Variants in ANKHD1 observed in about 807,000 individuals in gnomAD.
ANKHD1 encodes the protein ankyrin repeat and KH domain-containing protein 1.
Under a neutral mutation model 230.5 loss-of-function variants are expected in ANKHD1, and 31 were observed. The ratio of observed to expected loss-of-function variants is 0.13; its 90% CI spans 0.10 to 0.18. The LOEUF is 0.18. Ranked by LOEUF, ANKHD1 falls within the 10% of genes least tolerant of loss-of-function variation. The pLI is 1.00. For synonymous variants in ANKHD1, 1,074 were observed against 1,117.6 expected (o/e 0.96, Z 0.78); for missense variants, 2,256 against 3,071.3 (o/e 0.73, Z 6.27).
chr5:140,483,108 AATTAT>A (rs1389775155), intron 11 of ANKHD1, among the ~76,000 whole-genome samples: 2 of 152,176 alleles, frequency 1.3e-5, no homozygotes, highest in Non-Finnish European at 2.9e-5. Flanking sequence ...CTATTATTAG[AATTAT>A]ATTTAGGCAA....
chr5:140,428,408 C>T (rs904433842), intron 1 of ANKHD1, among the ~76,000 whole-genome samples: 1 of 151,470 alleles, frequency 6.6e-6, no homozygotes, highest in East Asian at 1.9e-4. Flanking sequence ...CCGAGGCTGG[C>T]GGATCACTCG....
At chr5:140,404,380 TG>T (rs949351187) in intron 1 of ANKHD1, among the ~76,000 whole-genome samples, 6 of 152,182 alleles carry the variant, frequency 3.9e-5, no homozygotes, top group African/African-American at 1.4e-4. Flanking sequence ...ATAATTGTCA[TG>T]GGTGAGATGA....
chr5:140,431,957 C>T (rs759519470), intron 1 of ANKHD1, among the ~76,000 whole-genome samples: 1 of 152,102 alleles, frequency 6.6e-6, no homozygotes, highest in African/African-American at 2.4e-5. Flanking sequence ...CTTTCTCTCT[C>T]TAATGGTGGT....
intron 25 of ANKHD1, among the ~76,000 whole-genome samples, 172 bp from the exon 26 acceptor site, chr5:140,525,824 A>G (rs1311262306): frequency 6.6e-6 from 1 of 151,760 alleles, no homozygotes; most frequent in Admixed American, 6.6e-5. Flanking sequence ...CGACAGAGCA[A>G]GACTCCATCT....
chr5:140,521,596 AG>A (rs1753352113), intron 24 of ANKHD1, among the ~76,000 whole-genome samples: 2 of 152,250 alleles, frequency 1.3e-5, no homozygotes, highest in East Asian at 3.8e-4. Flanking sequence ...GCTGCATTTT[AG>A]GCACATAAAT....
At chr5:140,454,200 G>C (rs1178975403) in intron 7 of ANKHD1, among the ~76,000 whole-genome samples, 1 of 152,126 alleles carries the variant, frequency 6.6e-6, no homozygotes, top group Non-Finnish European at 1.5e-5. Context: ...GGAGCACCCA[G>C]ATTCATAAAG....
At chr5:140,442,737 A>G (rs936164063) in intron 5 of ANKHD1, among the ~76,000 whole-genome samples, 1 of 152,206 alleles carries the variant, frequency 6.6e-6, no homozygotes, top group African/African-American at 2.4e-5. Flanking sequence ...GCTGAGAAGT[A>G]GGAAGAATAA....
intron 15 of ANKHD1, among the ~76,000 whole-genome samples, chr5:140,499,082 T>A (rs1315036091): frequency 6.6e-6 from 1 of 152,084 alleles, no homozygotes; most frequent in Non-Finnish European, 1.5e-5. Flanking sequence ...TATTAATAAG[T>A]TTTAAATTTT....
Position 140,537,390 on chromosome 5 carries a change from C to T in ANKHD1, c.7029C>T (p.Ser2343=). ...PHPWTSASNS[S]TSAPPTLGQP... ...CGGGATCATCTTCACCTCTTTCAGC[C>T]ACTTCTGCCCCACCAACGTTGGGCC... Residue 2343 remains serine, a splice_region_variant and synonymous_variant, in exon 31 of 34, where the codon TCC becomes TCT. Coordinates refer to ENST00000360839, the MANE Select transcript of ANKHD1 (RefSeq NM_017747.3). 6.2e-7 allele frequency: 1 copy of T among 1,613,616 alleles called. No individual in the cohort carries two copies. Among genetic ancestry groups the T allele is most frequent in the Non-Finnish European group, 8.5e-7 (1 of 1,179,846 alleles).
intron 24 of ANKHD1, among the ~76,000 whole-genome samples, chr5:140,522,252 A>G (rs992993600): frequency 3.1e-4 from 47 of 152,192 alleles, no homozygotes; most frequent in African/African-American, 1.1e-3. Context: ...CACTTAGTGA[A>G]ATGTTTTCAA....
intron 13 of ANKHD1, chr5:140,486,652 T>A (rs979131778): frequency 1.1e-5 from 2 of 176,630 alleles, no homozygotes; most frequent in Admixed American, 1.2e-4. Flanking sequence ...AATTGGCTAG[T>A]GGATAGTGAA....
At position 140,513,444 on chromosome 5, in the gene ANKHD1, G is replaced by A; in HGVS notation, c.4282G>A (p.Ala1428Thr). ...GCAAGCTGCAGAAGCAAATAAGAAT[G>A]CGAGTATTCTTTTAAAGGAACTTGA... The part of the protein sequence containing the change: ...DQQAAEANKN[A>T]SILLKELDLE... Residue 1428 changes from alanine to threonine, a missense_variant, in exon 24 of 34, where the codon GCG becomes ACG. This residue lies in a region of ANKHD1 where 195 missense variants were observed against 340.3 expected (regional missense o/e 0.57). Coordinates refer to ENST00000360839, the MANE Select transcript of ANKHD1 (RefSeq NM_017747.3). The A allele has an allele frequency of 6.2e-7, 1 of 1,613,406 alleles. No homozygotes were observed.
In ANKHD1 at chr5:140,401,837, A is replaced by T; in HGVS notation, c.-131A>T. 7.2e-7 allele frequency: 1 copy of T among 1,385,410 alleles called. No individual in the cohort carries two copies. 85.8% of individuals were successfully genotyped at this position (1,385,410 alleles called of 1,614,324 possible). On this transcript the variant is annotated 5_prime_UTR_variant, in exon 1 of 34. Transcript: ENST00000360839. Reference sequence around the variant, plus strand: ...GCGGGAGGCAGCAGGTTAGGCAGTGAGAAGTTAGTGGCGCTGCTGGGACGG... The same window carrying T: ...GCGGGAGGCAGCAGGTTAGGCAGTGTGAAGTTAGTGGCGCTGCTGGGACGG...
intron 14 of ANKHD1, among the ~76,000 whole-genome samples, chr5:140,490,850 C>G (rs78803914): frequency 3.3e-5 from 5 of 151,672 alleles, no homozygotes; most frequent in African/African-American, 1.2e-4. Flanking sequence ...GTTCTTGTCA[C>G]TTTTGCTTGC....
At chr5:140,444,341 T>C (rs1325907776) in intron 5 of ANKHD1, among the ~76,000 whole-genome samples, 1 of 152,182 alleles carries the variant, frequency 6.6e-6, no homozygotes, top group African/African-American at 2.4e-5. Context: ...TCTAGTCAAG[T>C]TCGTATTTTA....
chr5:140,535,468 T>C lies in ANKHD1; in HGVS notation c.6957T>C (p.Ala2319=). ...PGTRVFLQGP[A]PVGTPSFNRQ... ...CAAGGGTTTTCCTGCAAGGGCCAGC[T>C]CCTGTTGGGACTCCTAGTTTCAACA... Residue 2319 remains alanine (A), a synonymous_variant, in exon 30 of 34, where the codon GCT becomes GCC. Coordinates refer to ENST00000360839, the MANE Select transcript of ANKHD1 (RefSeq NM_017747.3). 6.2e-7 allele frequency: 1 copy of C among 1,613,836 alleles called. No individual in the cohort carries two copies. The highest frequency in any genetic ancestry group is 8.5e-7 in the Non-Finnish European group (1 of 1,179,856).
intron 1 of ANKHD1, among the ~76,000 whole-genome samples, chr5:140,419,479 T>TTTTA (rs1771697554): frequency 6.7e-6 from 1 of 149,766 alleles, no homozygotes. Context: ...TTTTTGTTTT[T>TTTTA]GAGATGGTCT....
intron 5 of ANKHD1, among the ~76,000 whole-genome samples, chr5:140,442,521 T>C (rs970802784): frequency 6.6e-6 from 1 of 152,122 alleles, no homozygotes; most frequent in Non-Finnish European, 1.5e-5. Context: ...CGTCATTTAT[T>C]TGAACTGAGC....
rs764097263 is a variant in ANKHD1 at position 140,485,543 on chromosome 5, G to T, written c.1999-46G>T. 6.2e-7 allele frequency: 1 copy of T among 1,607,700 alleles called. No homozygotes were observed. The highest frequency in any genetic ancestry group is 8.5e-7 in the Non-Finnish European group (1 of 1,177,384). ...AATGAGTTTTGATTTTATATGAGCT[G>T]CTAAGAAACTATAAAGAATTAATTA... On this transcript the variant is annotated intron_variant, in intron 12 of 33. Coordinates refer to ENST00000360839, the MANE Select transcript of ANKHD1 (RefSeq NM_017747.3). This position sits in a 1 kb window ranked among gnomAD's most constrained non-coding sequence, Gnocchi z 4.8.
Sources: allele counts gnomAD v4.1 joint callset (sites outside exome capture counted in the v4.1 genomes callset), GRCh38; gene constraint gnomAD v4.1.1; regional missense constraint gnomAD v4.1.1; non-coding constraint Gnocchi (gnomAD v3.1); transcripts MANE v1.5; gene names NCBI Gene and HGNC (gene_info 2026-07-23, HGNC 2026-07-21).